Variants in RORA observed in about 807,000 individuals in gnomAD.
RORA encodes nuclear receptor ROR-alpha.
In RORA, 7 loss-of-function variants were observed where a neutral mutation model predicts 69.5. The observed-to-expected ratio is 0.10, with a 90% CI of 0.06 to 0.19. The LOEUF is 0.19. Ranked by LOEUF, RORA falls within the 10% of genes least tolerant of loss-of-function variation. The pLI is 1.00. For missense variants in RORA, 457 were observed against 663.0 expected, an observed-to-expected ratio of 0.69 and a Z score of 3.41; for synonymous variants, 261 against 240.8, an observed-to-expected ratio of 1.08 and a Z score of -0.78.
chr15:61,159,063 G>T (rs923431067), intron 1 of RORA, among the ~76,000 whole-genome samples: 1 of 152,016 alleles, frequency 6.6e-6, no homozygotes, highest in African/African-American at 2.4e-5. Flanking sequence ...GCTAGACATA[G>T]GTAGATATAA....
intron 1 of RORA, among the ~76,000 whole-genome samples, chr15:61,029,402 C>T (rs1427389450): frequency 6.6e-6 from 1 of 152,124 alleles, no homozygotes; most frequent in Non-Finnish European, 1.5e-5. Flanking sequence ...TGTTGATGTT[C>T]TGTTTATCCT....
At chr15:60,914,346 A>AG (rs1229097491) in intron 1 of RORA, among the ~76,000 whole-genome samples, 1 of 152,214 alleles carries the variant, frequency 6.6e-6, no homozygotes, top group East Asian at 1.9e-4. Flanking sequence ...TCCTAGCCAC[A>AG]GAGAATGAAT....
chr15:60,509,483 C>G (rs1007899971), intron 5 of RORA, among the ~76,000 whole-genome samples: 6 of 152,202 alleles, frequency 3.9e-5, no homozygotes, highest in African/African-American at 1.4e-4. Flanking sequence ...TCGGCTCAGC[C>G]ATTTCTGGCC....
At chr15:60,643,631 C>T (rs866285490) in intron 2 of RORA, among the ~76,000 whole-genome samples, 7 of 152,208 alleles carry the variant, frequency 4.6e-5, no homozygotes, top group African/African-American at 1.7e-4. Context: ...CTTATAACTC[C>T]AGGCAGAAGC....
chr15:60,548,634 G>GTATTTATTTATT (rs60500094), intron 2 of RORA, among the ~76,000 whole-genome samples: 1 of 151,952 alleles, frequency 6.6e-6, no homozygotes, highest in East Asian at 1.9e-4. Context: ...TAGCATTAGT[G>GTATTTATTTATT]TATTTATTTA....
At chr15:60,651,597 A>G (rs1325258502) in intron 2 of RORA, among the ~76,000 whole-genome samples, 2 of 152,220 alleles carry the variant, frequency 1.3e-5, no homozygotes, top group Admixed American at 1.3e-4. Context: ...AAATCAAGCT[A>G]CATCCCTTTA....
chr15:60,570,145 A>G (rs11633266), intron 2 of RORA, among the ~76,000 whole-genome samples: 68,228 of 151,996 alleles, frequency 0.45, 19,473 homozygotes, highest in African/African-American at 0.81. Flanking sequence ...ATCACGGGCC[A>G]TCAGTAACAC....
chr15:60,786,985 T>C (rs957758246), intron 1 of RORA, among the ~76,000 whole-genome samples: 1 of 152,210 alleles, frequency 6.6e-6, no homozygotes, highest in Non-Finnish European at 1.5e-5. Flanking sequence ...GGGTGGTGTG[T>C]GAGTGGAATC....
intron 1 of RORA, among the ~76,000 whole-genome samples, chr15:60,753,609 G>A (rs963873854): frequency 2.6e-5 from 4 of 152,202 alleles, no homozygotes; most frequent in African/African-American, 9.7e-5. Flanking sequence ...GCCCAGATGT[G>A]TTAAATAACA....
chr15:61,204,957 C>A (rs1384883978), intron 1 of RORA, among the ~76,000 whole-genome samples: 1 of 152,246 alleles, frequency 6.6e-6, no homozygotes, highest in South Asian at 2.1e-4. Flanking sequence ...TCTGTTCAGG[C>A]TTTTCAATCT....
intron 2 of RORA, among the ~76,000 whole-genome samples, chr15:60,597,587 T>TAC (rs1555435992): frequency 8.8e-5 from 2 of 22,628 alleles, no homozygotes; most frequent in Non-Finnish European, 1.6e-4. Context: ...CATATATATA[T>TAC]ATATATACAC....
At chr15:60,592,712 C>G (rs2068569351) in intron 2 of RORA, 1 of 1,054,698 alleles carries the variant, frequency 9.5e-7, no homozygotes, top group Non-Finnish European at 1.1e-6. Context: ...AGGTGAGTAG[C>G]AGCGGCGGCT....
At position 60,779,425 on chromosome 15, in the gene RORA, C is replaced by T. The variant is rs773188064; in HGVS notation, c.167-100739G>A. On this transcript the variant is annotated intron_variant, in intron 1 of 10. Transcript: ENST00000335670. Reference sequence around the variant, plus strand: ...GTCTAATGCATCTCTCCATAAGACTCCCTGAATGGAGGCTTGGGTTTTACC... The same window carrying T: ...GTCTAATGCATCTCTCCATAAGACTTCCTGAATGGAGGCTTGGGTTTTACC... 4.3e-4 allele frequency among the ~76,000 whole-genome samples: 66 copies of T among 152,198 alleles called. 1 individual carries two copies. Among genetic ancestry groups the T allele is most frequent in the Non-Finnish European group, 7.3e-5 (5 of 68,042 alleles).
At chr15:60,750,654 A>G (rs1053346043) in intron 1 of RORA, among the ~76,000 whole-genome samples, 1 of 152,222 alleles carries the variant, frequency 6.6e-6, no homozygotes, top group Admixed American at 6.5e-5. Context: ...GATTAGAGGA[A>G]AAAGAGCAAA....
intron 1 of RORA, among the ~76,000 whole-genome samples, chr15:61,085,004 C>T (rs887316839): frequency 1.3e-5 from 2 of 152,212 alleles, no homozygotes; most frequent in African/African-American, 4.8e-5. Context: ...GACATGATAA[C>T]GGGGGAGCCC....
chr15:60,826,808 A>G (rs187675729), intron 1 of RORA, among the ~76,000 whole-genome samples: 6 of 144,384 alleles, frequency 4.2e-5, no homozygotes, highest in Admixed American at 2.8e-4. Flanking sequence ...TTAAAGACAC[A>G]CCTGTTCTTT....
intron 1 of RORA, among the ~76,000 whole-genome samples, chr15:61,151,388 A>T (rs892264247): frequency 2.0e-5 from 3 of 152,196 alleles, no homozygotes; most frequent in African/African-American, 7.2e-5. Flanking sequence ...AATAGATGAA[A>T]CTTTCCCCTT....
intron 1 of RORA, among the ~76,000 whole-genome samples, chr15:60,692,541 C>G (rs117267768): frequency 0.049 from 7,393 of 152,238 alleles, 250 homozygotes; most frequent in Middle Eastern, 0.12. Flanking sequence ...TACTTTTGAG[C>G]AGGATGCATG....
chr15:61,112,276 G>A (rs983099420), intron 1 of RORA, among the ~76,000 whole-genome samples: 1 of 152,044 alleles, frequency 6.6e-6, no homozygotes, highest in Non-Finnish European at 1.5e-5. Flanking sequence ...TACAAGTATT[G>A]ATCCGTCATG....
Sources: allele counts gnomAD v4.1 joint callset (sites outside exome capture counted in the v4.1 genomes callset), GRCh38; gene constraint gnomAD v4.1.1; transcripts MANE v1.5; gene names NCBI Gene and HGNC (gene_info 2026-07-23, HGNC 2026-07-21).